Variants in FPR3 observed in about 807,000 individuals in gnomAD.
The protein encoded by FPR3 is N-formyl peptide receptor 3.
For synonymous variants in FPR3, 135 were observed against 163.6 expected (o/e 0.83, Z 1.34); for missense variants, 346 against 443.2 (o/e 0.78, Z 1.97).
At chr19:51,823,109 C>G (rs773656264) in intron 1 of FPR3, among the ~76,000 whole-genome samples, 2 of 152,134 alleles carry the variant, frequency 1.3e-5, no homozygotes, top group African/African-American at 4.8e-5. Flanking sequence ...GTGATCCACT[C>G]TCCTCAACCT....
intron 1 of FPR3, chr19:51,803,852 T>G (rs2084040706): frequency 6.6e-6 from 1 of 152,194 alleles, no homozygotes; most frequent in African/African-American, 2.4e-5. Flanking sequence ...CATCTCCCTT[T>G]TTTCTTTTCC....
chr19:51,824,794 A>G lies in FPR3; in HGVS notation c.1046A>G (p.Glu349Gly). The change falls in exon 2 of 2, where the codon GAG (glutamate) becomes GGG (glycine). Residue 349 changes from glutamate to glycine, a missense_variant. By Grantham distance (98) the Glu-to-Gly change is moderately conservative. Coordinates refer to ENST00000339223, the MANE Select transcript of FPR3 (RefSeq NM_002030.5). This position sits in a 1 kb window ranked among gnomAD's most constrained non-coding sequence, Gnocchi z 4.7. ...TCTGCTTCACCTCCTGAGGAGACGG[A>G]GTTACAAGCAATGTGAGGTCGGGGA... ...TTSASPPEETELQAM is the reference protein window; with the variant it reads ...TTSASPPEETGLQAM The G allele has an allele frequency of 6.2e-7, 1 of 1,610,418 alleles. No homozygotes were observed. The highest frequency in any genetic ancestry group is 1.1e-5 in the South Asian group (1 of 90,754).
intron 1 of FPR3, among the ~76,000 whole-genome samples, chr19:51,808,593 CTT>C (rs1387141093): frequency 1.3e-5 from 2 of 152,156 alleles, no homozygotes; most frequent in African/African-American, 4.8e-5. Context: ...AACAGGTTCT[CTT>C]TGATTAATAG....
chr19:51,796,227 A>G (rs533664697), intron 1 of FPR3, among the ~76,000 whole-genome samples: 5 of 152,218 alleles, frequency 3.3e-5, no homozygotes, highest in Non-Finnish European at 7.3e-5. Context: ...CAGAAGGAAT[A>G]GAGAAAGCAG....
At chr19:51,813,306 T>C (rs1017804993) in intron 1 of FPR3, among the ~76,000 whole-genome samples, 10 of 152,252 alleles carry the variant, frequency 6.6e-5, no homozygotes, top group Admixed American at 6.5e-4. Flanking sequence ...CAAGTGCCTA[T>C]AGGACTCTTA....
intron 1 of FPR3, among the ~76,000 whole-genome samples, chr19:51,807,823 G>A (rs561694403): frequency 5.1e-4 from 78 of 152,322 alleles, no homozygotes; most frequent in East Asian, 7.7e-4. Flanking sequence ...GAGTCTAAAG[G>A]AACAATAATT....
intron 1 of FPR3, among the ~76,000 whole-genome samples, chr19:51,823,127 T>G (rs887139047): frequency 6.6e-6 from 1 of 152,154 alleles, no homozygotes; most frequent in Non-Finnish European, 1.5e-5. Context: ...CCTCCTAAAG[T>G]GCTGGGGTTA....
At chr19:51,796,805 G>A (rs1568425862) in intron 1 of FPR3, among the ~76,000 whole-genome samples, 1 of 152,218 alleles carries the variant, frequency 6.6e-6, no homozygotes, top group Non-Finnish European at 1.5e-5. Flanking sequence ...AAAACCATGT[G>A]AGGTTTGGAG....
At chr19:51,800,972 G>A (rs2122413399) in intron 1 of FPR3, among the ~76,000 whole-genome samples, 1 of 152,296 alleles carries the variant, frequency 6.6e-6, no homozygotes, top group African/African-American at 2.4e-5. Flanking sequence ...CCTTCCCAGA[G>A]AGAGGTGACT....
chr19:51,819,874 G>A (rs978870454), intron 1 of FPR3, among the ~76,000 whole-genome samples: 6 of 152,180 alleles, frequency 3.9e-5, no homozygotes, highest in African/African-American at 7.2e-5. Flanking sequence ...GGATCTAGTA[G>A]AAATCAAATC....
intron 1 of FPR3, among the ~76,000 whole-genome samples, chr19:51,802,800 GA>G (rs1290898764): frequency 6.6e-6 from 1 of 152,026 alleles, no homozygotes; most frequent in Non-Finnish European, 1.5e-5. Context: ...ATTATGAATG[GA>G]TGTTAAATGT....
Position 51,824,859 on chromosome 19 carries a change from GAA to G in FPR3, c.*58_*59del. 2.2e-6 allele frequency: 3 copies of G among 1,352,058 alleles called. No individual in the cohort carries two copies. Among genetic ancestry groups the G allele is most frequent in the Non-Finnish European group, 3.0e-6 (3 of 1,007,594 alleles). 83.8% of individuals were successfully genotyped at this position (1,352,058 alleles called of 1,614,324 possible). On this transcript the variant is annotated 3_prime_UTR_variant, in exon 2 of 2. Transcript: ENST00000339223. This position sits in a 1 kb window ranked among gnomAD's most constrained non-coding sequence, Gnocchi z 4.7. ...GTCTCTTTCTACCCTGCGTTAAGCG[GAA>G]AAAAAAAATTCTGACAGTGTTTTTC...
chr19:51,818,510 CAAAT>C (rs1232340399), intron 1 of FPR3, among the ~76,000 whole-genome samples: 1 of 152,092 alleles, frequency 6.6e-6, no homozygotes, highest in East Asian at 1.9e-4. Context: ...AATGAACAAA[CAAAT>C]AAGAAAAGCA....
chr19:51,797,952 G>A (rs1444626767), intron 1 of FPR3, among the ~76,000 whole-genome samples: 1 of 125,892 alleles, frequency 7.9e-6, no homozygotes, highest in East Asian at 2.6e-4. Context: ...TGCAATCTCA[G>A]CTCACTGCAA....
chr19:51,799,219 C>T (rs941290455), intron 1 of FPR3, among the ~76,000 whole-genome samples: 1 of 152,138 alleles, frequency 6.6e-6, no homozygotes, highest in African/African-American at 2.4e-5. Context: ...GTGTGGCCTC[C>T]AGATGTCTCA....
intron 1 of FPR3, among the ~76,000 whole-genome samples, chr19:51,797,814 G>A (rs1300890838): frequency 6.6e-6 from 1 of 151,072 alleles, no homozygotes; most frequent in Admixed American, 6.6e-5. Context: ...AGCCTGGTGA[G>A]GGCTAAGAGT....
At chr19:51,822,044 A>G (rs1191411239) in intron 1 of FPR3, among the ~76,000 whole-genome samples, 1 of 152,186 alleles carries the variant, frequency 6.6e-6, no homozygotes, top group Non-Finnish European at 1.5e-5. Flanking sequence ...GATGTTTCTG[A>G]TACAGCCCAC....
At chr19:51,814,791 C>A (rs2084122541) in intron 1 of FPR3, among the ~76,000 whole-genome samples, 1 of 151,318 alleles carries the variant, frequency 6.6e-6, no homozygotes, top group Admixed American at 6.6e-5. Flanking sequence ...CTGCACTCGG[C>A]CTAAAAACCA....
At chr19:51,806,850 G>T (rs904953006) in intron 1 of FPR3, among the ~76,000 whole-genome samples, 1 of 152,234 alleles carries the variant, frequency 6.6e-6, no homozygotes, top group African/African-American at 2.4e-5. Context: ...AACTGTAGCA[G>T]TTTCTATGCG....
Sources: allele counts gnomAD v4.1 joint callset (sites outside exome capture counted in the v4.1 genomes callset), GRCh38; gene constraint gnomAD v4.1.1; non-coding constraint Gnocchi (gnomAD v3.1); transcripts MANE v1.5; gene names NCBI Gene and HGNC (gene_info 2026-07-23, HGNC 2026-07-21).